The following DIAPH2 variants were observed in gnomAD, a reference collection of about 807,000 sequenced individuals.
The protein encoded by DIAPH2 is protein diaphanous homolog 2.
Under a neutral mutation model 92.7 loss-of-function variants are expected in DIAPH2, and 35 were observed. That is an observed-to-expected ratio of 0.38 (90% CI 0.29 to 0.50). The LOEUF (loss-of-function observed/expected upper bound fraction) is 0.50. DIAPH2 is among the 20% of genes least tolerant of loss of function. The probability of loss-of-function intolerance (pLI) is 0.94; values close to 1 mark genes in which losing one functional copy is unlikely to be tolerated. For synonymous variants in DIAPH2, 301 were observed against 280.4 expected (o/e 1.07, Z -0.73); for missense variants, 701 against 819.5 (o/e 0.86, Z 1.77).
intron 4 of DIAPH2, among the ~76,000 whole-genome samples, chrX:96,802,759 G>GT (rs1289915015): frequency 1.8e-5 from 2 of 111,423 alleles, no homozygotes; most frequent in East Asian, 5.7e-4. Context: ...TGATCACAAG[G>GT]TGAAGTCCCG....
intron 23 of DIAPH2, among the ~76,000 whole-genome samples, chrX:97,268,897 T>A (rs1256163432): frequency 9.9e-6 from 1 of 101,137 alleles, no homozygotes; most frequent in Admixed American, 1.1e-4. Context: ...CACTCTGTTG[T>A]CCAGGCTGGA....
intron 4 of DIAPH2, among the ~76,000 whole-genome samples, chrX:96,768,603 A>G (rs1022582522): frequency 1.4e-4 from 16 of 111,863 alleles, no homozygotes; most frequent in African/African-American, 4.9e-4. Flanking sequence ...GTGGTATTTT[A>G]GATAGGCGAG....
At chrX:97,493,964 C>T (rs2070741313) in intron 26 of DIAPH2, among the ~76,000 whole-genome samples, 1 of 103,775 alleles carries the variant, frequency 9.6e-6, no homozygotes, top group African/African-American at 3.5e-5. Flanking sequence ...CACCTGTAAT[C>T]CCAGCACTTT....
In DIAPH2 at chrX:97,437,311, A is replaced by G. The variant is rs1003935194; in HGVS notation, c.3241+7566A>G. ...TAATACATTCATTATATTGTAATAT[A>G]CAATTAAAATCTGGTTTTAGAAAGT... is the stretch of plus-strand genomic sequence containing the variant. On this transcript the variant is annotated intron_variant, in intron 26 of 26. Coordinates refer to ENST00000324765, the MANE Select transcript of DIAPH2 (RefSeq NM_006729.5). Among the ~76,000 whole-genome samples the G allele has an allele frequency of 3.6e-5, 4 of 111,934 alleles. No individual in the cohort carries two copies. The Admixed American group carries it at 3.8e-4, about 11-fold the overall frequency.
At chrX:97,052,046 G>A (rs1365702206) in intron 17 of DIAPH2, among the ~76,000 whole-genome samples, 1 of 111,477 alleles carries the variant, frequency 9.0e-6, no homozygotes, top group African/African-American at 3.3e-5. Flanking sequence ...AGATGACTAA[G>A]CTAGACTTGG....
chrX:96,778,088 T>C (rs1307411913), intron 4 of DIAPH2, among the ~76,000 whole-genome samples: 1 of 95,304 alleles, frequency 1.0e-5, no homozygotes, highest in African/African-American at 3.8e-5. Context: ...TGTGTCCATG[T>C]GTTCTCATTG....
chrX:97,511,401 AT>A (rs1286705646), intron 26 of DIAPH2, among the ~76,000 whole-genome samples: 1 of 96,423 alleles, frequency 1.0e-5, no homozygotes. Flanking sequence ...GCTTGAGGAG[AT>A]TTTGTGCTGA....
intron 4 of DIAPH2, among the ~76,000 whole-genome samples, chrX:96,798,461 CT>C (rs953940228): frequency 3.7e-5 from 4 of 108,379 alleles, no homozygotes; most frequent in Non-Finnish European, 5.8e-5. Context: ...CATTTGATTT[CT>C]TTTTTTTTGT....
chrX:96,983,868 T>C (rs2066013903), intron 17 of DIAPH2, among the ~76,000 whole-genome samples: 1 of 111,881 alleles, frequency 8.9e-6, no homozygotes, highest in Admixed American at 9.5e-5. Context: ...ATTATCACTT[T>C]CCTTGGTGGG....
intron 24 of DIAPH2, among the ~76,000 whole-genome samples, chrX:97,351,629 C>T: frequency 9.1e-6 from 1 of 110,337 alleles, no homozygotes; most frequent in South Asian, 3.9e-4. Context: ...CGGTGAAACC[C>T]CGTCTCTACT....
At chrX:97,214,086 C>T (rs763166092) in intron 22 of DIAPH2, among the ~76,000 whole-genome samples, 1 of 111,744 alleles carries the variant, frequency 8.9e-6, no homozygotes, top group Non-Finnish European at 1.9e-5. Flanking sequence ...ACCCTAACAT[C>T]CATATACTAG....
chrX:96,748,313 C>A (rs955128351), intron 3 of DIAPH2, among the ~76,000 whole-genome samples: 7 of 111,700 alleles, frequency 6.3e-5, no homozygotes, highest in African/African-American at 2.3e-4. Context: ...GCAACACCTC[C>A]CTTACCCTCA....
intron 4 of DIAPH2, among the ~76,000 whole-genome samples, chrX:96,866,308 T>G (rs1358271355): frequency 8.9e-6 from 1 of 111,966 alleles, no homozygotes; most frequent in East Asian, 2.8e-4. Flanking sequence ...TATTAATACT[T>G]GCCTGCAACA....
chrX:96,832,498 A>G (rs918401681), intron 4 of DIAPH2, among the ~76,000 whole-genome samples: 2 of 111,334 alleles, frequency 1.8e-5, no homozygotes, highest in African/African-American at 6.5e-5. Flanking sequence ...TGGCAATACT[A>G]AAGTTCTTTA....
chrX:96,732,143 G>T (rs2064059373), intron 1 of DIAPH2, among the ~76,000 whole-genome samples: 1 of 111,268 alleles, frequency 9.0e-6, no homozygotes, highest in African/African-American at 3.3e-5. Context: ...TTGAGAGCTT[G>T]TCCCAGAAGA....
intron 26 of DIAPH2, among the ~76,000 whole-genome samples, chrX:97,470,552 T>A (rs1029457613): frequency 2.7e-5 from 3 of 110,673 alleles, no homozygotes; most frequent in African/African-American, 9.8e-5. Context: ...ATCCTGTGAG[T>A]TGTGTACCTG....
At chrX:97,463,629 G>A (rs1341634687) in intron 26 of DIAPH2, among the ~76,000 whole-genome samples, 1 of 110,965 alleles carries the variant, frequency 9.0e-6, no homozygotes, top group Admixed American at 9.6e-5. Flanking sequence ...GACCTCAGGT[G>A]ATCTGCCCAC....
chrX:97,340,222 G>C (rs2069100893), intron 23 of DIAPH2, among the ~76,000 whole-genome samples: 3 of 111,632 alleles, frequency 2.7e-5, no homozygotes, highest in African/African-American at 9.8e-5. Context: ...AGGGAACTGT[G>C]TTAGGAGAGG....
At chrX:97,015,201 C>G (rs1001029825) in intron 17 of DIAPH2, among the ~76,000 whole-genome samples, 2 of 111,239 alleles carry the variant, frequency 1.8e-5, no homozygotes, top group African/African-American at 6.5e-5. Context: ...AAAAATTAGG[C>G]TACATATAGT....
Sources: allele counts gnomAD v4.1 joint callset (sites outside exome capture counted in the v4.1 genomes callset), GRCh38; gene constraint gnomAD v4.1.1; transcripts MANE v1.5; gene names NCBI Gene and HGNC (gene_info 2026-07-23, HGNC 2026-07-21).